MLLT3: variants seen among roughly 807,000 people sequenced by gnomAD.
MLLT3 encodes the protein MLLT3 super elongation complex subunit.
A neutral mutation model predicts 53.2 loss-of-function variants in MLLT3; 4 were observed. The observed-to-expected ratio is 0.08, with a 90% CI of 0.04 to 0.17. MLLT3 has a LOEUF of 0.17. MLLT3 is among the 10% of genes least tolerant of loss of function. The probability of loss-of-function intolerance (pLI) is 1.00; values close to 1 mark genes in which losing one functional copy is unlikely to be tolerated. For synonymous variants in MLLT3, 283 were observed against 230.6 expected (o/e 1.23, Z -2.06); for missense variants, 569 against 684.0 (o/e 0.83, Z 1.87).
intron 5 of MLLT3, among the ~76,000 whole-genome samples, chr9:20,389,770 C>T (rs1229313240): frequency 6.6e-6 from 1 of 152,054 alleles, no homozygotes; most frequent in Non-Finnish European, 1.5e-5. Flanking sequence ...CACAGTGAGA[C>T]CCCGTCCGGT....
At chr9:20,532,861 G>C in intron 2 of MLLT3, 1 of 268,294 alleles carries the variant, frequency 3.7e-6, no homozygotes, top group Non-Finnish European at 7.1e-6. Flanking sequence ...CACAAGTACA[G>C]ACCAGAGGCA....
At chr9:20,395,779 T>C (rs1822306802) in intron 5 of MLLT3, among the ~76,000 whole-genome samples, 1 of 152,192 alleles carries the variant, frequency 6.6e-6, no homozygotes, top group Non-Finnish European at 1.5e-5. Context: ...ATCTTTCCTG[T>C]GTGGTACATT....
intron 2 of MLLT3, among the ~76,000 whole-genome samples, chr9:20,575,848 T>C (rs1819639759): frequency 6.6e-6 from 1 of 152,230 alleles, no homozygotes; most frequent in Non-Finnish European, 1.5e-5. Context: ...AAACGAGCAC[T>C]GGCTTCAACT....
Position 20,346,380 on chromosome 9 carries a change from A to AC in MLLT3, c.*62_*63insG. 1.8e-6 allele frequency: 1 copy of AC among 544,422 alleles called. No homozygotes were observed. Among genetic ancestry groups the AC allele is most frequent in the East Asian group, 6.4e-5 (1 of 15,706 alleles). 33.7% of individuals were successfully genotyped at this position (544,422 alleles called of 1,614,324 possible). A position where few individuals can be genotyped will look rare whatever the true frequency, so the allele number is the denominator to read the frequency against. Reference sequence around the variant, plus strand: ...ACAACAAGAACAAAAAATCACAACCAAAAAAAAAAAAAACCAAAAAAAAAA... The same window carrying AC: ...ACAACAAGAACAAAAAATCACAACCACAAAAAAAAAAAAACCAAAAAAAAAA... On this transcript the variant is annotated 3_prime_UTR_variant, in exon 11 of 11. Coordinates refer to ENST00000380338, the MANE Select transcript of MLLT3 (RefSeq NM_004529.4).
At chr9:20,394,885 G>A (rs952976507) in intron 5 of MLLT3, among the ~76,000 whole-genome samples, 1 of 152,098 alleles carries the variant, frequency 6.6e-6, no homozygotes, top group African/African-American at 2.4e-5. Context: ...TTAAAAAGCT[G>A]TGCCCACCCT....
At chr9:20,556,410 C>A (rs1051637128) in intron 2 of MLLT3, among the ~76,000 whole-genome samples, 1 of 152,024 alleles carries the variant, frequency 6.6e-6, no homozygotes, top group Non-Finnish European at 1.5e-5. Flanking sequence ...GAAGGCCAGG[C>A]GCAGTGGCTC....
intron 2 of MLLT3, among the ~76,000 whole-genome samples, chr9:20,541,278 T>C (rs1342704319): frequency 6.6e-6 from 1 of 152,210 alleles, no homozygotes. Context: ...TGTTCCAACC[T>C]CTGCCTGGTA....
At chr9:20,510,654 G>C (rs936262473) in intron 2 of MLLT3, among the ~76,000 whole-genome samples, 9 of 150,938 alleles carry the variant, frequency 6.0e-5, no homozygotes, top group African/African-American at 2.2e-4. Flanking sequence ...GCAAAAACTT[G>C]GTGATTGTTA....
intron 2 of MLLT3, among the ~76,000 whole-genome samples, chr9:20,558,927 T>G (rs139170377): frequency 6.6e-6 from 1 of 152,212 alleles, no homozygotes; most frequent in Admixed American, 6.5e-5. Context: ...ATCTTTCTCA[T>G]AGCTTAGTCA....
chr9:20,592,319 T>C (rs1311773229), intron 2 of MLLT3, among the ~76,000 whole-genome samples: 1 of 152,160 alleles, frequency 6.6e-6, no homozygotes, highest in Non-Finnish European at 1.5e-5. Flanking sequence ...ACAACCCAAA[T>C]GGGGTGGCTT....
intron 2 of MLLT3, among the ~76,000 whole-genome samples, chr9:20,497,688 G>A (rs1563787487): frequency 1.3e-5 from 2 of 152,016 alleles, no homozygotes; most frequent in South Asian, 2.1e-4. Context: ...TCCACAATTT[G>A]TTTATCCATT....
chr9:20,609,992 A>G (rs1820661243), intron 2 of MLLT3, among the ~76,000 whole-genome samples: 1 of 152,130 alleles, frequency 6.6e-6, no homozygotes. Context: ...AAGGGTAGTT[A>G]TTATTTCATT....
chr9:20,537,520 C>T (rs1818518680), intron 2 of MLLT3, among the ~76,000 whole-genome samples: 1 of 152,122 alleles, frequency 6.6e-6, no homozygotes, highest in African/African-American at 2.4e-5. Context: ...GAACACTTAA[C>T]ATTTTTCACC....
At chr9:20,560,189 T>C (rs1819166283) in intron 2 of MLLT3, among the ~76,000 whole-genome samples, 1 of 152,020 alleles carries the variant, frequency 6.6e-6, no homozygotes, top group South Asian at 2.1e-4. Context: ...AGCAAAATAA[T>C]AGCTGCCATG....
intron 2 of MLLT3, among the ~76,000 whole-genome samples, chr9:20,463,616 T>C (rs1824165166): frequency 1.3e-5 from 2 of 152,132 alleles, no homozygotes; most frequent in South Asian, 4.1e-4. Flanking sequence ...TCAATGTAAC[T>C]CAGTATACAG....
intron 2 of MLLT3, among the ~76,000 whole-genome samples, chr9:20,587,348 T>A (rs941128753): frequency 2.6e-5 from 4 of 152,136 alleles, no homozygotes; most frequent in African/African-American, 7.2e-5. Flanking sequence ...GAGAAGCCCA[T>A]CTGTCTCTCC....
At chr9:20,381,161 C>A (rs1387484209) in intron 5 of MLLT3, among the ~76,000 whole-genome samples, 2 of 151,860 alleles carry the variant, frequency 1.3e-5, no homozygotes, top group Non-Finnish European at 1.5e-5. Context: ...GTATTTTAAA[C>A]CTTTAGATAT....
At chr9:20,408,571 G>A (rs776095267) in intron 5 of MLLT3, among the ~76,000 whole-genome samples, 1 of 152,110 alleles carries the variant, frequency 6.6e-6, no homozygotes, top group Non-Finnish European at 1.5e-5. Flanking sequence ...AGGAGCCTCC[G>A]ATGAGAACCT....
intron 2 of MLLT3, among the ~76,000 whole-genome samples, chr9:20,618,453 G>C (rs1359591049): frequency 6.6e-6 from 1 of 152,172 alleles, no homozygotes; most frequent in Non-Finnish European, 1.5e-5. Context: ...TGTAATTACA[G>C]TATGACAAGG....
Sources: allele counts gnomAD v4.1 joint callset (sites outside exome capture counted in the v4.1 genomes callset), GRCh38; gene constraint gnomAD v4.1.1; transcripts MANE v1.5; gene names NCBI Gene and HGNC (gene_info 2026-07-23, HGNC 2026-07-21).